Variants in REC8 observed in about 807,000 individuals in gnomAD.
REC8 encodes meiotic recombination protein REC8 homolog.
In REC8, 42 loss-of-function variants were observed where a neutral mutation model predicts 78.3. The observed-to-expected ratio is 0.54, with a 90% CI of 0.42 to 0.69. The LOEUF (loss-of-function observed/expected upper bound fraction) is 0.69. Ranked by LOEUF, REC8 falls within the 30% of genes least tolerant of loss-of-function variation. The pLI, the probability that REC8 is intolerant of heterozygous loss-of-function variation, is 0.00. For missense variants in REC8, 581 were observed against 715.8 expected (o/e 0.81, Z 2.15); for synonymous variants, 268 against 274.1 (o/e 0.98, Z 0.22).
Position 24,178,075 on chromosome 14 carries a change from C to T in REC8, c.865-16C>T. On this transcript the variant is annotated splice_polypyrimidine_tract_variant and intron_variant, in intron 11 of 18. Transcript: ENST00000611366. Reference sequence around the variant, plus strand: ...AATGGGCAGCCTTGCCCCTACCTGCCCTCCCCACTCAACAGAGGAGGCCCC... The same window carrying T: ...AATGGGCAGCCTTGCCCCTACCTGCTCTCCCCACTCAACAGAGGAGGCCCC... 1 of 1,609,402 alleles carries T rather than the reference C, an allele frequency of 6.2e-7. No homozygotes were observed. The highest frequency in any genetic ancestry group is 8.5e-7 in the Non-Finnish European group (1 of 1,177,058).
At chr14:24,178,271 C>T (rs924982700) in intron 12 of REC8, 49 bp downstream of exon 12, 1 of 1,536,664 alleles carries the variant, frequency 6.5e-7, no homozygotes, top group African/African-American at 1.4e-5. Flanking sequence ...GCAGGGATGA[C>T]CAGGGGCACA....
chr14:24,176,666 T>C (rs116219253), intron 6 of REC8, among the ~76,000 whole-genome samples, 156 bp from the exon 7 acceptor site: 2,025 of 152,278 alleles, frequency 0.013, 48 homozygotes, highest in African/African-American at 0.047. Context: ...CTCACAGTGG[T>C]TAAGCAGTGT....
rs755918035 is a variant in REC8, at chr14:24,177,705, G to T, written c.815-4G>T. 6.2e-7 allele frequency: 1 copy of T among 1,609,882 alleles called. No homozygotes were observed. The highest frequency in any genetic ancestry group is 8.5e-7 in the Non-Finnish European group (1 of 1,178,206). ...GGGACAGAGCCCCTTGGGTGTTGTTGCAGAGGTGACCCCCCCGGAGGAGCT... is the reference window on the plus strand; with the variant it reads ...GGGACAGAGCCCCTTGGGTGTTGTTTCAGAGGTGACCCCCCCGGAGGAGCT... On this transcript the variant is annotated splice_region_variant and splice_polypyrimidine_tract_variant and intron_variant, in intron 10 of 18. Coordinates refer to ENST00000611366, the MANE Select transcript of REC8 (RefSeq NM_001048205.2).
At position 24,173,096 on chromosome 14, in the gene REC8, G is replaced by T. The variant is rs780912384; in HGVS notation, c.269-30G>T. 5 of 1,613,176 alleles carry T rather than the reference G, an allele frequency of 3.1e-6. No homozygotes were observed. The South Asian group carries it at 4.4e-5, about 14-fold the overall frequency. ...GGGCTGAGCAGCTGTCTGCTAAGCT[G>T]GCTGTCTACCTCGTCCTCCCTGCCC... On this transcript the variant is annotated intron_variant, in intron 3 of 18. Transcript: ENST00000611366.
intron 2 of REC8, 42 bp from the exon 3 acceptor site, chr14:24,172,857 C>T: frequency 6.2e-7 from 1 of 1,613,284 alleles, no homozygotes; most frequent in Non-Finnish European, 8.5e-7. Context: ...ACTGTGGGCC[C>T]ACTCCTGGAC....
intron 5 of REC8, among the ~76,000 whole-genome samples, chr14:24,174,439 G>A (rs779570861): frequency 6.6e-5 from 10 of 152,166 alleles, no homozygotes; most frequent in East Asian, 3.9e-4. Flanking sequence ...CACCATGCCC[G>A]GCTAATTTTT....
At chr14:24,174,005 A>G (rs923650294) in intron 5 of REC8, among the ~76,000 whole-genome samples, 12 of 151,952 alleles carry the variant, frequency 7.9e-5, no homozygotes, top group Non-Finnish European at 1.6e-4. Flanking sequence ...AGCTGGGACT[A>G]CAGGCATTTG....
chr14:24,178,134 G>A lies in REC8; in HGVS notation c.908G>A (p.Arg303His), dbSNP rs768735719. ...CCACCTCCTCGCCGCCGCCGTCGTC[G>A]CCGGTTACTGTTCTGGGACAAGGAG... ...VPPPPRRRRR[R>H]RLLFWDKETQ... is the part of the protein sequence containing the mutation. The change falls in exon 12 of 19, where the codon CGC (arginine) becomes CAC (histidine). Residue 303 changes from arginine (R) to histidine (H), a missense_variant. By Grantham distance (29) the Arg-to-His change is conservative. Transcript: ENST00000611366. 43 of 1,613,878 alleles carry A rather than the reference G, an allele frequency of 2.7e-5. No homozygotes were observed. The highest frequency in any genetic ancestry group is 6.6e-5 in the South Asian group (6 of 91,078).
intron 7 of REC8, 60 bp downstream of exon 7, chr14:24,176,961 C>A (rs961179775): frequency 4.2e-6 from 6 of 1,442,172 alleles, no homozygotes; most frequent in Middle Eastern, 1.8e-4. Context: ...TTCTCTCTGT[C>A]CCCAGAGTCC....
At chr14:24,172,671 C>T (rs1385987307) in intron 1 of REC8, 42 bp from the exon 2 acceptor site, 2 of 1,613,748 alleles carry the variant, frequency 1.2e-6, no homozygotes, top group South Asian at 1.1e-5. Flanking sequence ...CCTGACAGCT[C>T]CCCCTCCATC....
chr14:24,172,393 T>G lies in REC8; in HGVS notation c.-160T>G. On this transcript the variant is annotated 5_prime_UTR_variant, in exon 1 of 19. Coordinates refer to ENST00000611366, the MANE Select transcript of REC8 (RefSeq NM_001048205.2). ...AATTGTGTATCTGCCCATTGTTCGT[T>G]GCCTCATTAACTTGGCTTTCTAGGT... 1 of 649,974 alleles carries G rather than the reference T, an allele frequency of 1.5e-6. No homozygotes were observed. The highest frequency in any genetic ancestry group is 2.6e-6 in the Non-Finnish European group (1 of 377,560). 40.3% of individuals were successfully genotyped at this position (649,974 alleles called of 1,614,324 possible).
Position 24,178,509 on chromosome 14 carries a change from G to C in REC8, c.997-97G>C, listed in dbSNP as rs367847001. On this transcript the variant is annotated intron_variant, in intron 12 of 18. Transcript: ENST00000611366. ...GGTCATGAGCGCAAAAGCTGGGGAA[G>C]TCCAGAAGCCCCAGAACAGTGCATT... is the stretch of plus-strand genomic sequence containing the variant. 2.0e-5 allele frequency: 26 copies of C among 1,303,120 alleles called. No homozygotes were observed. In the East Asian group the frequency reaches 4.2e-4, roughly 21 times the overall value. The allele number at this position is 1,303,120 out of a possible 1,614,324, so 80.7% of individuals were successfully genotyped here. A position where few individuals can be genotyped will look rare whatever the true frequency, so the allele number is the denominator to read the frequency against.
At chr14:24,180,298 C>T, downstream of REC8, 1 of 1,515,462 alleles carries the variant, frequency 6.6e-7, no homozygotes, top group Non-Finnish European at 8.9e-7. Context: ...GCCTCAGGGA[C>T]AGCCCTGTAA....
Position 24,179,387 on chromosome 14 carries a change from C to G in REC8, c.1253-10C>G. 1 of 1,613,930 alleles carries G rather than the reference C, an allele frequency of 6.2e-7. No homozygotes were observed. The highest frequency in any genetic ancestry group is 8.5e-7 in the Non-Finnish European group (1 of 1,180,014). On this transcript the variant is annotated splice_polypyrimidine_tract_variant and intron_variant, in intron 15 of 18. Transcript: ENST00000611366. ...GCAGACACCCACTAGCGCCTTTCCTCCCCCAACAGAGATCTCCCTAGAGGC... is the reference window on the plus strand; with the variant it reads ...GCAGACACCCACTAGCGCCTTTCCTGCCCCAACAGAGATCTCCCTAGAGGC...
intron 6 of REC8, 91 bp from the exon 7 acceptor site, chr14:24,176,731 C>T: frequency 1.0e-6 from 1 of 998,428 alleles, no homozygotes; most frequent in Non-Finnish European, 1.5e-6. Flanking sequence ...TCCAGGTTAC[C>T]TTGACTTCAG....
Position 24,172,884 on chromosome 14 carries a change from C to A in REC8, c.126-15C>A, listed in dbSNP as rs373659526. 8 of 1,613,118 alleles carry A rather than the reference C, an allele frequency of 5.0e-6. No homozygotes were observed. Among genetic ancestry groups the A allele is most frequent in the Non-Finnish European group, 5.9e-6 (7 of 1,179,950 alleles). On this transcript the variant is annotated splice_polypyrimidine_tract_variant and intron_variant, in intron 2 of 18. Transcript: ENST00000611366. ...CTCCTGGACGCAGCGGTAATCAGGG[C>A]GCATTGTTCCCCAGCGAGGAAATCC...
chr14:24,180,827 C>A, downstream of REC8: 1 of 1,363,420 alleles, frequency 7.3e-7, no homozygotes, highest in Non-Finnish European at 1.0e-6. Context: ...TGGTCAGGAC[C>A]AAGGAGTGGC....
chr14:24,178,810 G>A lies in REC8; in HGVS notation c.1097G>A (p.Trp366Ter), dbSNP rs2039023543. The A allele has an allele frequency of 1.2e-6, 2 of 1,613,744 alleles. No individual in the cohort carries two copies. Among genetic ancestry groups the A allele is most frequent in the Non-Finnish European group, 1.7e-6 (2 of 1,179,954 alleles). ...CTACCCCCTGAACTACTGGGTCTCT[G>A]GACCCATTGTGCCCAGCCACCCCCA... Reference protein sequence around the residue: ...GWLPPELLGLWTHCAQPPPKA... With the variant: ...GWLPPELLGL The change falls in exon 14 of 19, where the codon TGG becomes TAG. Residue 366 changes from tryptophan (W) to a stop codon, truncating the protein, a stop_gained. Coordinates refer to ENST00000611366, the MANE Select transcript of REC8 (RefSeq NM_001048205.2). LOFTEE classifies it high-confidence loss of function.
rs1594413679 is a variant in REC8 at position 24,175,712 on chromosome 14, C to A, written c.544+88C>A. Reference sequence around the variant, plus strand: ...ACCATTTTTGAGCTTAAGAGCCAGGCCTTGTGAGGGGCGCTTTTTTTTTTT... The same window carrying A: ...ACCATTTTTGAGCTTAAGAGCCAGGACTTGTGAGGGGCGCTTTTTTTTTTT... On this transcript the variant is annotated intron_variant, in intron 6 of 18. Transcript: ENST00000611366. The A allele has an allele frequency of 1.2e-5, 12 of 994,330 alleles. No individual in the cohort carries two copies. The South Asian group carries it at 1.7e-4, about 14-fold the overall frequency. 61.6% of individuals were successfully genotyped at this position (994,330 alleles called of 1,614,324 possible). A position where few individuals can be genotyped will look rare whatever the true frequency, so the allele number is the denominator to read the frequency against.
Sources: allele counts gnomAD v4.1 joint callset (sites outside exome capture counted in the v4.1 genomes callset), GRCh38; gene constraint gnomAD v4.1.1; transcripts MANE v1.5; gene names NCBI Gene and HGNC (gene_info 2026-07-23, HGNC 2026-07-21).